Variants in PAK1 observed in about 807,000 individuals in gnomAD.
PAK1 encodes the protein serine/threonine-protein kinase PAK 1.
In PAK1, 29 loss-of-function variants were observed where a neutral mutation model predicts 67.4. The observed-to-expected ratio is 0.43, with a 90% CI of 0.32 to 0.59. The LOEUF is 0.59. Among genes scored for constraint, PAK1 ranks in the 20% least tolerant of loss-of-function variants. PAK1 has a pLI of 0.07. For synonymous variants in PAK1, 223 were observed against 237.4 expected (o/e 0.94, Z 0.56); for missense variants, 337 against 670.7 (o/e 0.50, Z 5.50).
chr11:77,334,967 T>C (rs1591714515), intron 13 of PAK1, among the ~76,000 whole-genome samples: 1 of 152,222 alleles, frequency 6.6e-6, no homozygotes, highest in Admixed American at 6.5e-5. Flanking sequence ...GCAAATCCAA[T>C]GTTCATTTCT....
chr11:77,434,073 G>GTCAGGTAGT (rs1305588892), intron 1 of PAK1, among the ~76,000 whole-genome samples: 4 of 152,280 alleles, frequency 2.6e-5, no homozygotes, highest in Admixed American at 2.6e-4. Context: ...TTAGAAAACA[G>GTCAGGTAGT]TCAGGTAGTT....
chr11:77,519,913 G>A, the PAK1 span, among the ~76,000 whole-genome samples: 16 of 152,178 alleles, frequency 1.1e-4, no homozygotes, highest in African/African-American at 3.6e-4. Flanking sequence ...AAAGCAAGAT[G>A]GAGTCCTGCT....
At chr11:77,337,686 A>AT (rs1270122394) in intron 11 of PAK1, among the ~76,000 whole-genome samples, 1 of 152,022 alleles carries the variant, frequency 6.6e-6, no homozygotes, top group African/African-American at 2.4e-5. Flanking sequence ...CTCCAATGTA[A>AT]TTTTTTTTCT....
chr11:77,369,270 T>C (rs1948060775), intron 5 of PAK1, among the ~76,000 whole-genome samples: 1 of 148,890 alleles, frequency 6.7e-6, no homozygotes, highest in Non-Finnish European at 1.5e-5. Context: ...TGGGAATTTT[T>C]TCTTCTATTT....
chr11:77,484,627 G>A, the PAK1 span, among the ~76,000 whole-genome samples: 7 of 152,230 alleles, frequency 4.6e-5, no homozygotes, highest in African/African-American at 1.7e-4. Context: ...CTGCCAGGAA[G>A]AAAAGTTATG....
intron 1 of PAK1, among the ~76,000 whole-genome samples, chr11:77,464,128 A>G (rs112183696): frequency 0.021 from 3,243 of 152,278 alleles, 116 homozygotes; most frequent in African/African-American, 0.074. Context: ...GTGCATCTCT[A>G]TGTGAATCAG....
Position 77,353,598 on chromosome 11 carries a change from TCCTTTGAAAGAAA to T in PAK1, c.773-12_773del, listed in dbSNP as rs748456484. On this transcript the variant is annotated splice_acceptor_variant and splice_polypyrimidine_tract_variant and coding_sequence_variant and intron_variant, in exon 8 of 15. Coordinates refer to ENST00000356341, the MANE Select transcript of PAK1 (RefSeq NM_002576.5). LOFTEE classifies it high-confidence loss of function. ...TAGGATCGCCCACACTCACTATGCT[TCCTTTGAAAGAAA>T]CAGAGACCATGAATCATTTTTTCCC... The T allele has an allele frequency of 6.2e-7, 1 of 1,606,744 alleles. No homozygotes were observed. The highest frequency in any genetic ancestry group is 8.5e-7 in the Non-Finnish European group (1 of 1,173,414).
chr11:77,481,838 T>C, the PAK1 span, among the ~76,000 whole-genome samples: 1 of 152,172 alleles, frequency 6.6e-6, no homozygotes, highest in Non-Finnish European at 1.5e-5. Flanking sequence ...TGTAAGCTTC[T>C]TGAGTGTGGG....
the PAK1 span, among the ~76,000 whole-genome samples, chr11:77,516,221 G>A: frequency 6.6e-6 from 1 of 152,174 alleles, no homozygotes; most frequent in Non-Finnish European, 1.5e-5. Flanking sequence ...TGCATTCAAT[G>A]TATGGTAGCC....
intron 14 of PAK1, among the ~76,000 whole-genome samples, chr11:77,328,433 G>A (rs960658261): frequency 2.2e-4 from 34 of 152,068 alleles, no homozygotes; most frequent in Non-Finnish European, 1.0e-4. Flanking sequence ...ATAACAAACT[G>A]TCTCTCAGAC....
At chr11:77,383,910 T>C (rs1950148101) in intron 2 of PAK1, among the ~76,000 whole-genome samples, 1 of 152,140 alleles carries the variant, frequency 6.6e-6, no homozygotes, top group South Asian at 2.1e-4. Context: ...GTGGAAAGAA[T>C]CTCAGAGGAA....
intron 1 of PAK1, among the ~76,000 whole-genome samples, chr11:77,394,732 C>A (rs1951614312): frequency 6.6e-6 from 1 of 152,098 alleles, no homozygotes; most frequent in African/African-American, 2.4e-5. Context: ...GTAGTCCCAG[C>A]TACTCAGGAG....
At chr11:77,402,839 TA>T (rs1952899019) in intron 1 of PAK1, among the ~76,000 whole-genome samples, 1 of 152,200 alleles carries the variant, frequency 6.6e-6, no homozygotes, top group South Asian at 2.1e-4. Flanking sequence ...TAATTAGGAC[TA>T]AATCAATCAA....
chr11:77,349,865 G>A (rs1004711907), intron 8 of PAK1, among the ~76,000 whole-genome samples: 6 of 151,916 alleles, frequency 3.9e-5, no homozygotes, highest in African/African-American at 1.5e-4. Context: ...GTTTGGGGGT[G>A]GGCCAGCATA....
At chr11:77,369,277 A>AT (rs1174535964) in intron 5 of PAK1, among the ~76,000 whole-genome samples, 1 of 146,532 alleles carries the variant, frequency 6.8e-6, no homozygotes, top group Non-Finnish European at 1.5e-5. Context: ...TTTTTCTTCT[A>AT]TTTTTTCTTT....
chr11:77,431,634 T>C (rs531638499), intron 1 of PAK1, among the ~76,000 whole-genome samples: 1 of 152,290 alleles, frequency 6.6e-6, no homozygotes, highest in Admixed American at 6.5e-5. Context: ...TAAAGCATCT[T>C]TCCCCCACTC....
At chr11:77,375,238 C>A (rs934475855) in intron 4 of PAK1, among the ~76,000 whole-genome samples, 7 of 152,206 alleles carry the variant, frequency 4.6e-5, no homozygotes, top group Non-Finnish European at 1.5e-5. Flanking sequence ...TCAGCTATAT[C>A]ACTGTCAGGC....
chr11:77,487,507 C>T, the PAK1 span, among the ~76,000 whole-genome samples: 1 of 151,826 alleles, frequency 6.6e-6, no homozygotes, highest in Non-Finnish European at 1.5e-5. Flanking sequence ...TCTTGGGGTT[C>T]CTGATTCCAG....
intron 1 of PAK1, among the ~76,000 whole-genome samples, chr11:77,446,170 G>C (rs1409400091): frequency 2.0e-5 from 3 of 152,160 alleles, no homozygotes; most frequent in African/African-American, 7.2e-5. Context: ...TAAAATGTTT[G>C]ACTCACTGTC....
Sources: gnomAD v4.1 joint callset for allele counts (sites outside exome capture counted in the v4.1 genomes callset) on GRCh38, gnomAD v4.1.1 for gene constraint, MANE v1.5 for transcripts, NCBI Gene and HGNC (gene_info 2026-07-23, HGNC 2026-07-21) for gene names.